GALNT11: variants seen among roughly 807,000 people sequenced by gnomAD.
GALNT11 encodes the protein polypeptide N-acetylgalactosaminyltransferase 11, also known as UDP-GalNAc:polypeptide N-acetylgalactosaminyltransferase 11.
A neutral mutation model predicts 72.7 loss-of-function variants in GALNT11; 47 were observed. The observed-to-expected ratio is 0.65, with a 90% CI of 0.51 to 0.82. The LOEUF (loss-of-function observed/expected upper bound fraction) is 0.82. Among genes scored for constraint, GALNT11 ranks in the 40% least tolerant of loss-of-function variants. The probability of loss-of-function intolerance (pLI) is 0.00; values close to 1 mark genes in which losing one functional copy is unlikely to be tolerated. For missense variants in GALNT11, 677 were observed against 778.4 expected (o/e 0.87, Z 1.55); for synonymous variants, 270 against 286.6 (o/e 0.94, Z 0.58).
chr7:152,054,340 G>A (rs2083543767), intron 1 of GALNT11, among the ~76,000 whole-genome samples: 2 of 148,852 alleles, frequency 1.3e-5, no homozygotes, highest in South Asian at 4.2e-4. Context: ...CTATTGATCA[G>A]TTAACTTAAA....
chr7:152,113,996 T>C (rs2088570916), intron 8 of GALNT11, among the ~76,000 whole-genome samples: 1 of 151,830 alleles, frequency 6.6e-6, no homozygotes. Flanking sequence ...GCTCTTGGGC[T>C]CAAAAGATCC....
chr7:152,101,018 G>A, intron 3 of GALNT11, 97 bp downstream of exon 3: 1 of 1,479,058 alleles, frequency 6.8e-7, no homozygotes. Flanking sequence ...ATTTCCCAAT[G>A]CAGCGTCTTT....
At position 152,103,154 on chromosome 7, in the gene GALNT11, T is replaced by C. The variant is rs2087142624; in HGVS notation, c.462T>C (p.Ser154=). The C allele has an allele frequency of 6.2e-7, 1 of 1,611,230 alleles. No individual in the cohort carries two copies. The highest frequency in any genetic ancestry group is 8.5e-7 in the Non-Finnish European group (1 of 1,178,224). ...KFYPPDLPAA[S]VVICFYNEAF... is the part of the protein sequence containing the mutation. ...ACCCACCTGACCTGCCAGCTGCTAG[T>C]GTTGTTATCTGTTTCTATAATGAAG... Residue 154 remains serine (S), a synonymous_variant, in exon 4 of 12, where the codon AGT becomes AGC. Coordinates refer to ENST00000430044, the MANE Select transcript of GALNT11 (RefSeq NM_022087.4).
intron 1 of GALNT11, among the ~76,000 whole-genome samples, chr7:152,042,889 G>A (rs141573472): frequency 0.011 from 1,704 of 152,312 alleles, 10 homozygotes; most frequent in Non-Finnish European, 0.017. Context: ...GTTAAATTGA[G>A]TGGGTGGAAT....
At chr7:152,098,987 C>T (rs2086572809) in intron 2 of GALNT11, among the ~76,000 whole-genome samples, 1 of 152,144 alleles carries the variant, frequency 6.6e-6, no homozygotes, top group Non-Finnish European at 1.5e-5. Context: ...TTTTGTCACC[C>T]AGGCTGGAGT....
At chr7:152,070,572 A>G (rs915311210) in intron 1 of GALNT11, among the ~76,000 whole-genome samples, 8 of 152,246 alleles carry the variant, frequency 5.3e-5, no homozygotes, top group African/African-American at 1.7e-4. Flanking sequence ...CAGTAGGTCA[A>G]GTTCTTCTCA....
Position 152,094,288 on chromosome 7 carries a change from A to G in GALNT11, c.61A>G (p.Thr21Ala). The G allele has an allele frequency of 1.2e-6, 2 of 1,613,964 alleles. No homozygotes were observed. The highest frequency in any genetic ancestry group is 1.7e-6 in the Non-Finnish European group (2 of 1,179,946). ...YGCLFTSATW[T>A]VLLFVYFNFS... ...GTGCCTTTTTACATCTGCGACCTGG[A>G]CAGTTTTGCTTTTTGTTTATTTCAA... is the stretch of plus-strand genomic sequence containing the variant. Residue 21 changes from threonine to alanine, a missense_variant, in exon 2 of 12, where the codon ACA (threonine) becomes GCA (alanine). By Grantham distance (58) the Thr-to-Ala change is moderately conservative. Coordinates refer to ENST00000430044, the MANE Select transcript of GALNT11 (RefSeq NM_022087.4). The surrounding 1 kb of genome is among the most constrained non-coding windows in gnomAD (Gnocchi z 4.3).
chr7:152,118,766 A>C lies in GALNT11; in HGVS notation c.1541A>C (p.Tyr514Ser). ...GGLVVLKACD[Y>S]SDPNQIWIYN... ...CTCGTGGTGCTTAAGGCCTGTGACT[A>C]CAGTGACCCAAATCAGGTGAGTGAC... The change falls in exon 10 of 12, where the codon TAC becomes TCC. Residue 514 changes from tyrosine to serine, a missense_variant. By Grantham distance (144) the Tyr-to-Ser change is moderately radical (BLOSUM62 -2). Coordinates refer to ENST00000430044, the MANE Select transcript of GALNT11 (RefSeq NM_022087.4). 1 of 1,606,860 alleles carries C rather than the reference A, an allele frequency of 6.2e-7. No individual in the cohort carries two copies. Among genetic ancestry groups the C allele is most frequent in the Non-Finnish European group, 8.5e-7 (1 of 1,178,064 alleles).
chr7:152,107,829 C>T (rs1217978462), intron 5 of GALNT11: 23 of 537,196 alleles, frequency 4.3e-5, no homozygotes, highest in Non-Finnish European at 4.0e-5. Flanking sequence ...CCCTCAATCA[C>T]AGCAGGACAC....
At position 152,120,877 on chromosome 7, in the gene GALNT11, T is replaced by C. The variant is rs2089364253; in HGVS notation, c.1604T>C (p.Leu535Pro). 2 of 1,612,990 alleles carry C rather than the reference T, an allele frequency of 1.2e-6. No homozygotes were observed. Among genetic ancestry groups the C allele is most frequent in the Non-Finnish European group, 1.7e-6 (2 of 1,179,002 alleles). ...CATGAATTGGTTTTAAATAGTCTCC[T>C]TTGTCTAGATATGTCAGAGACTCGC... The part of the protein sequence containing the change: ...EEHELVLNSL[L>P]CLDMSETRSS... Residue 535 changes from leucine (L) to proline (P), a missense_variant, in exon 11 of 12, where the codon CTT becomes CCT. Physicochemically the swap from Leu to Pro is moderately conservative, Grantham distance 98 (BLOSUM62 -3). Coordinates refer to ENST00000430044, the MANE Select transcript of GALNT11 (RefSeq NM_022087.4).
chr7:152,057,094 C>T (rs2083726595), intron 1 of GALNT11, among the ~76,000 whole-genome samples: 1 of 146,492 alleles, frequency 6.8e-6, no homozygotes, highest in Non-Finnish European at 1.5e-5. Context: ...TGGGCTCAAG[C>T]TGTGTGCCTG....
chr7:152,103,179 G>A lies in GALNT11; in HGVS notation c.487G>A (p.Ala163Thr), dbSNP rs766324237. 6.2e-7 allele frequency: 1 copy of A among 1,613,054 alleles called. No individual in the cohort carries two copies. Among genetic ancestry groups the A allele is most frequent in the South Asian group, 1.1e-5 (1 of 91,044 alleles). The change falls in exon 4 of 12, where the codon GCG (alanine) becomes ACG (threonine). Residue 163 changes from alanine (A) to threonine (T), a missense_variant. Physicochemically the swap from Ala to Thr is moderately conservative, Grantham distance 58 (BLOSUM62 0). Transcript: ENST00000430044. ...ASVVICFYNE[A>T]FSALLRTVHS... ...TGTTGTTATCTGTTTCTATAATGAAGCGTTTTCTGCCTTGCTTCGGACAGT... is the reference window on the plus strand; with the variant it reads ...TGTTGTTATCTGTTTCTATAATGAAACGTTTTCTGCCTTGCTTCGGACAGT...
At chr7:152,112,013 G>A (rs79809160) in intron 7 of GALNT11, among the ~76,000 whole-genome samples, 1 of 152,152 alleles carries the variant, frequency 6.6e-6, no homozygotes, top group East Asian at 1.9e-4. Context: ...GGTTTGAAAG[G>A]TGACAGCATA....
intron 1 of GALNT11, among the ~76,000 whole-genome samples, chr7:152,058,803 A>C (rs563110689): frequency 1.3e-4 from 20 of 152,354 alleles, no homozygotes; most frequent in Non-Finnish European, 1.6e-4. Flanking sequence ...TAAATTTAGT[A>C]ATCTGCTTTT....
intron 1 of GALNT11, among the ~76,000 whole-genome samples, chr7:152,074,012 GT>G (rs2084813111): frequency 6.6e-6 from 1 of 152,048 alleles, no homozygotes; most frequent in Admixed American, 6.5e-5. Flanking sequence ...CTGCTGAGAT[GT>G]TTTAGTTTCT....
Position 152,108,197 on chromosome 7 carries a change from G to A in GALNT11, c.872G>A (p.Arg291His), listed in dbSNP as rs1281042239. 4.0e-5 allele frequency: 65 copies of A among 1,614,040 alleles called. No individual in the cohort carries two copies. Among genetic ancestry groups the A allele is most frequent in the Non-Finnish European group, 5.1e-5 (60 of 1,180,046 alleles). ...TLAYSSSPVVRGGFNWGLHFK... is the reference protein window; with the variant it reads ...TLAYSSSPVVHGGFNWGLHFK... ...GCCTACAGCTCGTCCCCTGTCGTCC[G>A]CGGAGGGTTCAACTGGGGACTGCAC... The change falls in exon 6 of 12, where the codon CGC becomes CAC. Residue 291 changes from arginine to histidine, a missense_variant. By Grantham distance (29) the Arg-to-His change is conservative. Transcript: ENST00000430044.
At chr7:152,106,543 C>A (rs1418296965) in intron 5 of GALNT11, among the ~76,000 whole-genome samples, 5 of 152,180 alleles carry the variant, frequency 3.3e-5, no homozygotes, top group Admixed American at 3.3e-4. Flanking sequence ...GGTTTCTAGT[C>A]ATGTAAAAAC....
intron 1 of GALNT11, among the ~76,000 whole-genome samples, chr7:152,069,538 G>A (rs1587138012): frequency 6.6e-6 from 1 of 152,200 alleles, no homozygotes; most frequent in Middle Eastern, 3.4e-3. Context: ...CTGTAGTAGT[G>A]GATTTGTCTC....
intron 1 of GALNT11, among the ~76,000 whole-genome samples, chr7:152,073,335 C>T (rs557243615): frequency 6.6e-6 from 1 of 152,244 alleles, no homozygotes; most frequent in South Asian, 2.1e-4. Context: ...CTCTAGTATC[C>T]TCTGTTCTGA....
Sources: gnomAD v4.1 joint callset for allele counts (sites outside exome capture counted in the v4.1 genomes callset) on GRCh38, gnomAD v4.1.1 for gene constraint, Gnocchi (gnomAD v3.1) non-coding constraint, MANE v1.5 for transcripts, NCBI Gene and HGNC (gene_info 2026-07-23, HGNC 2026-07-21) for gene names.